Variants in SUMO3 observed in about 807,000 individuals in gnomAD.
SUMO3 encodes the protein small ubiquitin-related modifier 3.
Under a neutral mutation model 11.1 loss-of-function variants are expected in SUMO3, and 2 were observed. That is an observed-to-expected ratio of 0.18 (90% CI 0.07 to 0.57). The LOEUF is 0.57. Ranked by LOEUF, SUMO3 falls within the 20% of genes least tolerant of loss-of-function variation. The pLI is 0.92. For synonymous variants in SUMO3, 56 were observed against 53.5 expected (o/e 1.05, Z -0.20); for missense variants, 70 against 132.8 (o/e 0.53, Z 2.32).
At chr21:44,814,393 C>T (rs576532928) in intron 1 of SUMO3, among the ~76,000 whole-genome samples, 1 of 152,244 alleles carries the variant, frequency 6.6e-6, no homozygotes, top group Admixed American at 6.5e-5. Flanking sequence ...AGAGAAAATC[C>T]ATCTTTATTT....
intron 1 of SUMO3, among the ~76,000 whole-genome samples, chr21:44,815,176 G>C (rs556856827): frequency 6.6e-6 from 1 of 152,358 alleles, no homozygotes; most frequent in African/African-American, 2.4e-5. Flanking sequence ...CCCTGGCTGG[G>C]AGAGGGACAA....
intron 3 of SUMO3, 66 bp downstream of exon 3, chr21:44,808,981 C>A: frequency 1.5e-6 from 2 of 1,352,876 alleles, no homozygotes; most frequent in Non-Finnish European, 2.1e-6. Flanking sequence ...ATAAGCGTAT[C>A]CCAAATGGCA....
In SUMO3 at chr21:44,810,944, ACATGCACACACCCACACATGCACACC is replaced by A. The variant is rs1210932017; in HGVS notation, c.151-1852_151-1827del. Among the ~76,000 whole-genome samples the A allele has an allele frequency of 6.6e-6, 1 of 151,482 alleles. No homozygotes were observed. Among genetic ancestry groups the A allele is most frequent in the Non-Finnish European group, 1.5e-5 (1 of 67,824 alleles). Reference sequence around the variant, plus strand: ...CACCCACACATGCCCACACCCACACACATGCACACACCCACACATGCACACCCATGCACACACCCATGCACACACCC... The same window carrying A: ...CACCCACACATGCCCACACCCACACACATGCACACACCCATGCACACACCC... On this transcript the variant is annotated intron_variant, in intron 2 of 3. Coordinates refer to ENST00000332859, the MANE Select transcript of SUMO3 (RefSeq NM_006936.3). The surrounding 1 kb of genome is among the most constrained non-coding windows in gnomAD (Gnocchi z 4.1).
intron 2 of SUMO3, among the ~76,000 whole-genome samples, chr21:44,812,785 C>A (rs759084276): frequency 7.2e-5 from 11 of 152,366 alleles, no homozygotes; most frequent in African/African-American, 2.2e-4. Context: ...CACGGCCCCA[C>A]ACGCCTGCCA....
At chr21:44,812,807 AGAG>A (rs2083220442) in intron 2 of SUMO3, among the ~76,000 whole-genome samples, 1 of 152,216 alleles carries the variant, frequency 6.6e-6, no homozygotes, top group African/African-American at 2.4e-5. Context: ...CCCGCAGCGC[AGAG>A]GAGAACATGG....
intron 1 of SUMO3, among the ~76,000 whole-genome samples, chr21:44,817,180 C>G (rs1228179684): frequency 2.7e-4 from 3 of 10,964 alleles, no homozygotes; most frequent in Admixed American, 1.3e-3. Flanking sequence ...GATGGGGAGG[C>G]GTGGGCGTAC....
In SUMO3 at chr21:44,811,609, CAAA is replaced by C. The variant is rs2083212933; in HGVS notation, c.150+2364_150+2366del. ...TTGCTACTGAGAAAAAAAGAACACT[CAAA>C]GAACAGAAAGAAAAAAGAACTTTTG... On this transcript the variant is annotated intron_variant, in intron 2 of 3. Coordinates refer to ENST00000332859, the MANE Select transcript of SUMO3 (RefSeq NM_006936.3). The surrounding 1 kb of genome is among the most constrained non-coding windows in gnomAD (Gnocchi z 5.0). Among the ~76,000 whole-genome samples, 1 of 151,856 alleles carries C rather than the reference CAAA, an allele frequency of 6.6e-6. No homozygotes were observed. Among genetic ancestry groups the C allele is most frequent in the Non-Finnish European group, 1.5e-5 (1 of 67,970 alleles).
At chr21:44,808,466 G>C in intron 3 of SUMO3, 1 of 1,434,196 alleles carries the variant, frequency 7.0e-7, no homozygotes, top group South Asian at 1.4e-5. Flanking sequence ...AGTGAGCTGA[G>C]ACTGCGCCAC....
In SUMO3 at chr21:44,816,069, C is replaced by T. The variant is rs575492672; in HGVS notation, c.21+1879G>A. On this transcript the variant is annotated intron_variant, in intron 1 of 3. Transcript: ENST00000332859. ...GGGCTCAGAGGGGACCCACCAGAAG[C>T]GGGGCCTGTGAGGTGGCAGCCACTC... Among the ~76,000 whole-genome samples the T allele has an allele frequency of 5.0e-3, 765 of 152,284 alleles. 3 individuals are homozygous for T. Among genetic ancestry groups the T allele is most frequent in the Admixed American group, 7.4e-3 (114 of 15,310 alleles).
Position 44,806,986 on chromosome 21 carries a change from C to T in SUMO3, c.277G>A (p.Val93Met), listed in dbSNP as rs1451977950. The change falls in exon 4 of 4, where the codon GTG (valine) becomes ATG (methionine). Residue 93 changes from valine (V) to methionine (M), a missense_variant. Coordinates refer to ENST00000332859, the MANE Select transcript of SUMO3 (RefSeq NM_006936.3). Reference sequence around the variant, plus strand: ...TGCCCTGCCAGGCTGCTCTCCGGCACACCTCCCGTCTGCTGCTGGAACACG... The same window carrying T: ...TGCCCTGCCAGGCTGCTCTCCGGCATACCTCCCGTCTGCTGCTGGAACACG... ...IDVFQQQTGG[V>M]PESSLAGHSF The T allele has an allele frequency of 3.1e-6, 5 of 1,614,016 alleles. No homozygotes were observed. Among genetic ancestry groups the T allele is most frequent in the Non-Finnish European group, 4.2e-6 (5 of 1,180,048 alleles).
At position 44,813,794 on chromosome 21, in the gene SUMO3, G is replaced by A. The variant is rs554679720; in HGVS notation, c.150+182C>T. 3.9e-5 allele frequency: 59 copies of A among 1,500,496 alleles called. 1 individual carries two copies. In the South Asian group the frequency reaches 5.2e-4, roughly 13 times the overall value. The allele number at this position is 1,500,496 out of a possible 1,614,324, so 92.9% of individuals were successfully genotyped here. A position where few individuals can be genotyped will look rare whatever the true frequency, so the allele number is the denominator to read the frequency against. ...TCCCTCCACCTTATAAAAGGCCATG[G>A]GGGACAAGCCCAGCCTGGACTAATT... is the stretch of plus-strand genomic sequence containing the variant. On this transcript the variant is annotated intron_variant, in intron 2 of 3. Coordinates refer to ENST00000332859, the MANE Select transcript of SUMO3 (RefSeq NM_006936.3).
chr21:44,807,704 T>C lies in SUMO3; in HGVS notation c.223-664A>G, dbSNP rs1340739438. Among the ~76,000 whole-genome samples the C allele has an allele frequency of 3.3e-5, 5 of 152,208 alleles. No homozygotes were observed. The highest frequency in any genetic ancestry group is 1.2e-4 in the African/African-American group (5 of 41,462). On this transcript the variant is annotated intron_variant, in intron 3 of 3. Transcript: ENST00000332859. The surrounding 1 kb of genome is among the most constrained non-coding windows in gnomAD (Gnocchi z 4.3). The stretch of plus-strand genomic sequence containing the variant: ...GGCTGGAAGTAGTCATGCTCCCAGA[T>C]GGAAAGGAGTCCCATCAGGGCTGTC...
Position 44,807,175 on chromosome 21 carries a change from T to C in SUMO3, c.223-135A>G. 4 of 1,074,360 alleles carry C rather than the reference T, an allele frequency of 3.7e-6. No homozygotes were observed. Among genetic ancestry groups the C allele is most frequent in the Middle Eastern group, 2.7e-4 (1 of 3,746 alleles). The allele number at this position is 1,074,360 out of a possible 1,614,324, so 66.6% of individuals were successfully genotyped here. Reference sequence around the variant, plus strand: ...TCACCTGGTCACACCTTGGCTCTTGTCCGTCCCCTCACTGCAGCTCAGCAC... The same window carrying C: ...TCACCTGGTCACACCTTGGCTCTTGCCCGTCCCCTCACTGCAGCTCAGCAC... On this transcript the variant is annotated intron_variant, in intron 3 of 3. Transcript: ENST00000332859. The surrounding 1 kb of genome is among the most constrained non-coding windows in gnomAD (Gnocchi z 4.3).
At chr21:44,812,762 C>A (rs1362311448) in intron 2 of SUMO3, among the ~76,000 whole-genome samples, 2 of 152,202 alleles carry the variant, frequency 1.3e-5, no homozygotes, top group African/African-American at 2.4e-5. Flanking sequence ...GGGCAGAGCC[C>A]CCCCCACATG....
chr21:44,808,596 C>A, intron 3 of SUMO3: 1 of 1,371,564 alleles, frequency 7.3e-7, no homozygotes, highest in South Asian at 1.9e-5. Flanking sequence ...AAATCTCATT[C>A]ATGTCTGCAT....
chr21:44,805,727 C>G lies in SUMO3; in HGVS notation c.*1224G>C, dbSNP rs760220433. On this transcript the variant is annotated 3_prime_UTR_variant, in exon 4 of 4. Transcript: ENST00000332859. ...AACAAACATCCCACCCGAGCCCATA[C>G]AGCAAACAGGAAATGAGAACATTTC... is the stretch of plus-strand genomic sequence containing the variant. 2.0e-5 allele frequency: 3 copies of G among 152,716 alleles called. No individual in the cohort carries two copies. The highest frequency in any genetic ancestry group is 2.4e-5 in the African/African-American group (1 of 41,544). 9.5% of individuals were successfully genotyped at this position (152,716 alleles called of 1,614,324 possible).
At position 44,811,301 on chromosome 21, in the gene SUMO3, C is replaced by A. The variant is rs900123982; in HGVS notation, c.151-2183G>T. Among the ~76,000 whole-genome samples the A allele has an allele frequency of 6.6e-6, 1 of 152,166 alleles. No homozygotes were observed. Among genetic ancestry groups the A allele is most frequent in the African/African-American group, 2.4e-5 (1 of 41,452 alleles). Reference sequence around the variant, plus strand: ...AATCAATTGCTACTGAGGATGGGTGCGGTGGCTCACACCTGTAATCCCAGC... The same window carrying A: ...AATCAATTGCTACTGAGGATGGGTGAGGTGGCTCACACCTGTAATCCCAGC... On this transcript the variant is annotated intron_variant, in intron 2 of 3. Coordinates refer to ENST00000332859, the MANE Select transcript of SUMO3 (RefSeq NM_006936.3). This position sits in a 1 kb window ranked among gnomAD's most constrained non-coding sequence, Gnocchi z 5.0.
rs1222058499 is a variant in SUMO3 at position 44,806,104 on chromosome 21, C to T, written c.*847G>A. 2.0e-5 allele frequency: 3 copies of T among 152,214 alleles called. No individual in the cohort carries two copies. Among genetic ancestry groups the T allele is most frequent in the Non-Finnish European group, 4.4e-5 (3 of 68,050 alleles). 9.4% of individuals were successfully genotyped at this position (152,214 alleles called of 1,614,324 possible). A position where few individuals can be genotyped will look rare whatever the true frequency, so the allele number is the denominator to read the frequency against. On this transcript the variant is annotated 3_prime_UTR_variant, in exon 4 of 4. Transcript: ENST00000332859. Reference sequence around the variant, plus strand: ...TACTTTTTTATGTATAGACCATAATCATTCATCAGAAGCAAATACTAGAAG... The same window carrying T: ...TACTTTTTTATGTATAGACCATAATTATTCATCAGAAGCAAATACTAGAAG...
chr21:44,810,447 G>T lies in SUMO3; in HGVS notation c.151-1329C>A, dbSNP rs1386356713. 6.6e-6 allele frequency among the ~76,000 whole-genome samples: 1 copy of T among 152,126 alleles called. No homozygotes were observed. The highest frequency in any genetic ancestry group is 2.4e-5 in the African/African-American group (1 of 41,424). ...ACAGCTGCCTGGAAGTTCACATGCA[G>T]ACCCCTCAGGCAGGACCCCCACAAC... On this transcript the variant is annotated intron_variant, in intron 2 of 3. Coordinates refer to ENST00000332859, the MANE Select transcript of SUMO3 (RefSeq NM_006936.3). The surrounding 1 kb of genome is among the most constrained non-coding windows in gnomAD (Gnocchi z 4.1).
Sources: gnomAD v4.1 joint callset for allele counts (sites outside exome capture counted in the v4.1 genomes callset) on GRCh38, gnomAD v4.1.1 for gene constraint, Gnocchi (gnomAD v3.1) non-coding constraint, MANE v1.5 for transcripts, NCBI Gene and HGNC (gene_info 2026-07-23, HGNC 2026-07-21) for gene names.